The following GRIK3 variants were observed in gnomAD, a reference collection of about 807,000 sequenced individuals.
GRIK3 encodes glutamate ionotropic receptor kainate type subunit 3.
A neutral mutation model predicts 102.5 loss-of-function variants in GRIK3; 29 were observed. The observed-to-expected ratio is 0.28, with a 90% CI of 0.21 to 0.39. The LOEUF is 0.39. Among genes scored for constraint, GRIK3 ranks in the 10% least tolerant of loss-of-function variants. The probability of loss-of-function intolerance (pLI) is 1.00; values close to 1 mark genes in which losing one functional copy is unlikely to be tolerated. For missense variants in GRIK3, 908 were observed against 1,252.4 expected, an observed-to-expected ratio of 0.73 and a Z score of 4.15; for synonymous variants, 511 against 504.9, an observed-to-expected ratio of 1.01 and a Z score of -0.16.
chr1:36,996,152 AG>A (rs1261190892), intron 1 of GRIK3, among the ~76,000 whole-genome samples: 1 of 152,248 alleles, frequency 6.6e-6, no homozygotes. Flanking sequence ...AAAGTGTCCA[AG>A]GCCCTGCTTC....
At chr1:36,922,293 G>T (rs1400149288) in intron 1 of GRIK3, among the ~76,000 whole-genome samples, 1 of 152,216 alleles carries the variant, frequency 6.6e-6, no homozygotes, top group Non-Finnish European at 1.5e-5. Context: ...GAGAACCCCA[G>T]GAAAGCCACA....
chr1:36,975,169 T>C (rs1003456074), intron 1 of GRIK3, among the ~76,000 whole-genome samples: 1 of 152,028 alleles, frequency 6.6e-6, no homozygotes, highest in African/African-American at 2.4e-5. Flanking sequence ...TATATAGGTA[T>C]CACAATAAAA....
chr1:36,949,826 AC>A (rs1046807147), intron 1 of GRIK3, among the ~76,000 whole-genome samples: 1 of 151,778 alleles, frequency 6.6e-6, no homozygotes, highest in Non-Finnish European at 1.5e-5. Flanking sequence ...TGATCTGCCC[AC>A]CTCGGCCTCC....
intron 1 of GRIK3, among the ~76,000 whole-genome samples, chr1:36,946,659 A>C (rs568151025): frequency 6.6e-6 from 1 of 152,180 alleles, no homozygotes; most frequent in Non-Finnish European, 1.5e-5. Context: ...CGCCACCCAC[A>C]CAACCCTTAT....
intron 1 of GRIK3, among the ~76,000 whole-genome samples, chr1:36,904,871 C>G (rs563880307): frequency 6.6e-6 from 1 of 152,168 alleles, no homozygotes; most frequent in African/African-American, 2.4e-5. Flanking sequence ...CAGACATTCT[C>G]CATAATAAAA....
At chr1:37,032,581 G>C (rs890285834) in intron 1 of GRIK3, among the ~76,000 whole-genome samples, 1 of 152,166 alleles carries the variant, frequency 6.6e-6, no homozygotes, top group Non-Finnish European at 1.5e-5. Flanking sequence ...TCGGTTGTCA[G>C]GAGCAACCAG....
At chr1:36,891,836 A>T (rs960819819) in intron 1 of GRIK3, among the ~76,000 whole-genome samples, 6 of 152,252 alleles carry the variant, frequency 3.9e-5, no homozygotes, top group Admixed American at 6.5e-5. Flanking sequence ...ACATGAAAAC[A>T]AGTAGGAGCT....
chr1:36,989,292 G>A (rs1378300858), intron 1 of GRIK3, among the ~76,000 whole-genome samples: 1 of 152,208 alleles, frequency 6.6e-6, no homozygotes, highest in African/African-American at 2.4e-5. Context: ...GGCCAAATGA[G>A]GTCAGTTGTC....
rs1250780762 is a variant in GRIK3, at chr1:36,832,180, C to A, written c.1531-6354G>T. ...GCCGATTCTCTGGGTGTTTCCACCC[C>A]CTCAGACCACGAGCTCAGGAGAGTG... is the stretch of plus-strand genomic sequence containing the variant. On this transcript the variant is annotated intron_variant, in intron 10 of 15. Coordinates refer to ENST00000373091, the MANE Select transcript of GRIK3 (RefSeq NM_000831.4). Among the ~76,000 whole-genome samples the A allele has an allele frequency of 3.9e-5, 6 of 152,336 alleles. No homozygotes were observed. The South Asian group carries it at 8.3e-4, about 21-fold the overall frequency.
chr1:36,961,208 C>T (rs775620939), intron 1 of GRIK3, among the ~76,000 whole-genome samples: 9 of 152,214 alleles, frequency 5.9e-5, no homozygotes, highest in South Asian at 2.1e-4. Context: ...CACATCCTCA[C>T]TCAGCCGCCT....
chr1:36,877,351 C>A (rs142016496), intron 3 of GRIK3, among the ~76,000 whole-genome samples: 4 of 152,268 alleles, frequency 2.6e-5, no homozygotes, highest in Non-Finnish European at 5.9e-5. Context: ...TGTTCTCTTC[C>A]AAGCACCCCT....
chr1:36,976,605 G>C (rs889850961), intron 1 of GRIK3, among the ~76,000 whole-genome samples: 2 of 152,014 alleles, frequency 1.3e-5, no homozygotes, highest in African/African-American at 4.8e-5. Context: ...TGAGGATTGG[G>C]ACCCAGGAGG....
chr1:37,000,052 A>G (rs1475465446), intron 1 of GRIK3, among the ~76,000 whole-genome samples: 1 of 152,206 alleles, frequency 6.6e-6, no homozygotes, highest in Non-Finnish European at 1.5e-5. Flanking sequence ...TACTTTAATT[A>G]TCATGCTTCT....
At chr1:36,973,195 C>T (rs2124359534) in intron 1 of GRIK3, among the ~76,000 whole-genome samples, 1 of 152,148 alleles carries the variant, frequency 6.6e-6, no homozygotes, top group East Asian at 1.9e-4. Context: ...CCACCAGGGC[C>T]CTGCAAAGCC....
chr1:36,965,898 C>T (rs1037126460), intron 1 of GRIK3, among the ~76,000 whole-genome samples: 8 of 152,196 alleles, frequency 5.3e-5, no homozygotes, highest in Admixed American at 2.0e-4. Context: ...ACCATAAAGT[C>T]GGGGGCTCCC....
intron 1 of GRIK3, among the ~76,000 whole-genome samples, chr1:36,916,316 T>C (rs966726360): frequency 6.6e-6 from 1 of 152,134 alleles, no homozygotes; most frequent in East Asian, 1.9e-4. Context: ...AAACAGAGTA[T>C]AAAAGTTTGG....
intron 1 of GRIK3, among the ~76,000 whole-genome samples, chr1:36,942,892 G>A (rs539793031): frequency 3.7e-4 from 56 of 152,264 alleles, no homozygotes; most frequent in Non-Finnish European, 1.6e-4. Context: ...TCTCCTGATA[G>A]GGCAGCTCAG....
intron 9 of GRIK3, among the ~76,000 whole-genome samples, chr1:36,847,917 G>C (rs905805442): frequency 6.6e-6 from 1 of 152,252 alleles, no homozygotes; most frequent in Non-Finnish European, 1.5e-5. Context: ...AGATGGAGCT[G>C]TGACCAGGCT....
At chr1:36,847,603 A>T (rs143922389) in intron 9 of GRIK3, among the ~76,000 whole-genome samples, 1 of 152,290 alleles carries the variant, frequency 6.6e-6, no homozygotes, top group East Asian at 1.9e-4. Context: ...AATGAATAAC[A>T]ATAGCAGCTG....
Sources: allele counts gnomAD v4.1 joint callset (sites outside exome capture counted in the v4.1 genomes callset), GRCh38; gene constraint gnomAD v4.1.1; transcripts MANE v1.5; gene names NCBI Gene and HGNC (gene_info 2026-07-23, HGNC 2026-07-21).